NME7: variants seen among roughly 807,000 people sequenced by gnomAD.
The protein encoded by NME7 is NME/NM23 family member 7.
A neutral mutation model predicts 49.1 loss-of-function variants in NME7; 41 were observed. The ratio of observed to expected loss-of-function variants is 0.83; its 90% CI spans 0.65 to 1.08. NME7 has a LOEUF of 1.08. NME7 is among the 50% of genes least tolerant of loss of function. The probability of loss-of-function intolerance (pLI) is 0.00; values close to 1 mark genes in which losing one functional copy is unlikely to be tolerated. For synonymous variants in NME7, 139 were observed against 150.6 expected, an observed-to-expected ratio of 0.92 and a Z score of 0.56; for missense variants, 423 against 463.4, an observed-to-expected ratio of 0.91 and a Z score of 0.80.
chr1:169,336,820 C>A (rs1652496261), intron 1 of NME7, among the ~76,000 whole-genome samples: 1 of 151,784 alleles, frequency 6.6e-6, no homozygotes, highest in African/African-American at 2.4e-5. Flanking sequence ...TTCTCCAAGG[C>A]CCCACCAGAG....
intron 10 of NME7, among the ~76,000 whole-genome samples, chr1:169,206,175 C>A (rs539705344): frequency 1.8e-4 from 28 of 152,252 alleles, no homozygotes; most frequent in African/African-American, 5.8e-4. Context: ...CGCTCCTGAT[C>A]TGTTTCCCCC....
intron 11 of NME7, among the ~76,000 whole-genome samples, chr1:169,139,224 A>G (rs903495764): frequency 1.3e-5 from 2 of 152,224 alleles, no homozygotes; most frequent in African/African-American, 4.8e-5. Context: ...CCATATTTAT[A>G]TTTTAAATTT....
intron 5 of NME7, among the ~76,000 whole-genome samples, chr1:169,301,028 A>G (rs1453880838): frequency 6.6e-6 from 1 of 152,198 alleles, no homozygotes; most frequent in Non-Finnish European, 1.5e-5. Context: ...GGCCTGGGGA[A>G]AGAATTTATG....
chr1:169,199,575 T>C (rs774916559), intron 10 of NME7, among the ~76,000 whole-genome samples: 2 of 151,434 alleles, frequency 1.3e-5, no homozygotes, highest in Non-Finnish European at 2.9e-5. Context: ...CGCCTCAGCC[T>C]CCCAAGTAGC....
chr1:169,225,143 T>G (rs1018263581), intron 10 of NME7, among the ~76,000 whole-genome samples: 1 of 152,174 alleles, frequency 6.6e-6, no homozygotes, highest in African/African-American at 2.4e-5. Context: ...GAGTATCACT[T>G]TTTTGTCCAA....
chr1:169,331,941 C>G (rs1652270781), intron 1 of NME7, among the ~76,000 whole-genome samples: 1 of 151,996 alleles, frequency 6.6e-6, no homozygotes, highest in Non-Finnish European at 1.5e-5. Flanking sequence ...CAATGTCGTT[C>G]TTCAAAGAAT....
intron 11 of NME7, among the ~76,000 whole-genome samples, chr1:169,153,014 A>C (rs919004692): frequency 6.6e-6 from 1 of 151,976 alleles, no homozygotes; most frequent in Non-Finnish European, 1.5e-5. Context: ...AAAAACTGGC[A>C]CTTGAATTGA....
At chr1:169,221,958 C>T (rs1225412248) in intron 10 of NME7, among the ~76,000 whole-genome samples, 1 of 151,928 alleles carries the variant, frequency 6.6e-6, no homozygotes, top group Non-Finnish European at 1.5e-5. Flanking sequence ...GAGACAGGGT[C>T]TTGCTATATT....
At chr1:169,189,459 C>G (rs1424553396) in intron 10 of NME7, among the ~76,000 whole-genome samples, 1 of 152,084 alleles carries the variant, frequency 6.6e-6, no homozygotes, top group African/African-American at 2.4e-5. Context: ...GCTGTGGGCT[C>G]ATGTAATTCA....
chr1:169,144,236 C>A (rs535875874), intron 11 of NME7, among the ~76,000 whole-genome samples: 7 of 152,058 alleles, frequency 4.6e-5, no homozygotes, highest in African/African-American at 1.7e-4. Context: ...AAATAAAAAA[C>A]CAAGGTAAAG....
chr1:169,186,431 T>A (rs1042683996), intron 10 of NME7, among the ~76,000 whole-genome samples: 4 of 152,296 alleles, frequency 2.6e-5, no homozygotes, highest in Non-Finnish European at 4.4e-5. Flanking sequence ...TTTAAAAACC[T>A]AAATTTCAGA....
chr1:169,185,785 A>T (rs1445922895), intron 10 of NME7, among the ~76,000 whole-genome samples: 1 of 152,140 alleles, frequency 6.6e-6, no homozygotes, highest in African/African-American at 2.4e-5. Flanking sequence ...CAAGTACATA[A>T]TAGGTGTCGA....
chr1:169,210,103 C>A (rs1218096601), intron 10 of NME7, among the ~76,000 whole-genome samples: 1 of 152,086 alleles, frequency 6.6e-6, no homozygotes, highest in African/African-American at 2.4e-5. Context: ...ATACCCAACA[C>A]CCACAGTGTA....
rs1658262895 is a variant in NME7 at position 169,132,612 on chromosome 1, G to A, written c.*173C>T. 5 of 574,742 alleles carry A rather than the reference G, an allele frequency of 8.7e-6. No individual in the cohort carries two copies. The East Asian group carries it at 1.5e-4, about 17-fold the overall frequency. The allele number at this position is 574,742 out of a possible 1,614,324, so 35.6% of individuals were successfully genotyped here. Reference sequence around the variant, plus strand: ...AGACTGGTGTTAAATGTTGTCTACAGTGCAAAATCCATGTTCTAACATATG... The same window carrying A: ...AGACTGGTGTTAAATGTTGTCTACAATGCAAAATCCATGTTCTAACATATG... On this transcript the variant is annotated 3_prime_UTR_variant, in exon 12 of 12. Transcript: ENST00000367811.
At chr1:169,221,700 C>T (rs1661144849) in intron 10 of NME7, among the ~76,000 whole-genome samples, 1 of 151,296 alleles carries the variant, frequency 6.6e-6, no homozygotes, top group Admixed American at 6.6e-5. Flanking sequence ...TATTTATATA[C>T]ACATAAACTT....
At chr1:169,197,555 T>C (rs1660424377) in intron 10 of NME7, among the ~76,000 whole-genome samples, 1 of 152,152 alleles carries the variant, frequency 6.6e-6, no homozygotes, top group African/African-American at 2.4e-5. Flanking sequence ...GAAATAAATA[T>C]ATACATCCAC....
chr1:169,168,334 T>C (rs1659473293), intron 11 of NME7, among the ~76,000 whole-genome samples: 1 of 152,208 alleles, frequency 6.6e-6, no homozygotes, highest in Non-Finnish European at 1.5e-5. Context: ...TCAGTTGAAT[T>C]CTTTCTTCTG....
chr1:169,191,533 TATTA>T (rs1296293595), intron 10 of NME7, among the ~76,000 whole-genome samples: 1 of 152,190 alleles, frequency 6.6e-6, no homozygotes. Flanking sequence ...AAAAAGTTTG[TATTA>T]TTTACGTGAC....
chr1:169,256,522 G>A lies in NME7; in HGVS notation c.755-18835C>T, dbSNP rs1202364209. Among the ~76,000 whole-genome samples, 12 of 133,056 alleles carry A rather than the reference G, an allele frequency of 9.0e-5. 2 individuals are homozygous for A. The highest frequency in any genetic ancestry group is 8.8e-4 in the Admixed American group (12 of 13,588). 87.3% of individuals were successfully genotyped at this position (133,056 alleles called of 152,430 possible). On this transcript the variant is annotated intron_variant, in intron 7 of 11. Transcript: ENST00000367811. Reference sequence around the variant, plus strand: ...CCTTTGGTTTGAATGCCCTCCAGTAGCTCAGAGTAATTTGATCGTCTGAAG... The same window carrying A: ...CCTTTGGTTTGAATGCCCTCCAGTAACTCAGAGTAATTTGATCGTCTGAAG...
Sources: gnomAD v4.1 joint callset for allele counts (sites outside exome capture counted in the v4.1 genomes callset) on GRCh38, gnomAD v4.1.1 for gene constraint, MANE v1.5 for transcripts, NCBI Gene and HGNC (gene_info 2026-07-23, HGNC 2026-07-21) for gene names.